CRYBG1: variants seen among roughly 807,000 people sequenced by gnomAD.
The protein encoded by CRYBG1 is beta/gamma crystallin domain-containing protein 1.
Under a neutral mutation model 189.2 loss-of-function variants are expected in CRYBG1, and 139 were observed. The observed-to-expected ratio is 0.73, with a 90% CI of 0.64 to 0.85. CRYBG1 has a LOEUF of 0.85. Ranked by LOEUF, CRYBG1 falls within the 40% of genes least tolerant of loss-of-function variation. The probability of loss-of-function intolerance (pLI) is 0.00; values close to 1 mark genes in which losing one functional copy is unlikely to be tolerated. For synonymous variants in CRYBG1, 1,023 were observed against 1,017.1 expected (o/e 1.01, Z -0.11); for missense variants, 2,611 against 2,675.8 (o/e 0.98, Z 0.53).
At chr6:106,442,038 C>A (rs35515437) in intron 1 of CRYBG1, among the ~76,000 whole-genome samples, 12,753 of 152,062 alleles carry the variant, frequency 0.084, 590 homozygotes, top group East Asian at 0.16. Flanking sequence ...GATTTATAGA[C>A]CACCATATAA....
chr6:106,414,641 G>T (rs1770989262), intron 1 of CRYBG1, among the ~76,000 whole-genome samples: 1 of 152,180 alleles, frequency 6.6e-6, no homozygotes, highest in South Asian at 2.1e-4. Context: ...GCAAACTTTA[G>T]TATTCAAAAC....
At position 106,470,500 on chromosome 6, in the gene CRYBG1, AG is replaced by A. The variant is rs199879854; in HGVS notation, c.312+18670del. ...AGGCAGGGAATTGCTTGAACACAGG[AG>A]GTGGAGATTGCAGTGAGCCAATATT... On this transcript the variant is annotated intron_variant, in intron 2 of 21. Transcript: ENST00000633556. Among the ~76,000 whole-genome samples, 323 of 152,212 alleles carry A rather than the reference AG, an allele frequency of 2.1e-3. 11 individuals carry two copies. The East Asian group carries it at 0.049, about 23-fold the overall frequency.
intron 1 of CRYBG1, among the ~76,000 whole-genome samples, chr6:106,409,048 A>G (rs1770877294): frequency 6.6e-6 from 1 of 152,204 alleles, no homozygotes; most frequent in Non-Finnish European, 1.5e-5. Flanking sequence ...GAAAGAAATA[A>G]AGTGTATTCA....
chr6:106,511,584 C>T lies in CRYBG1; in HGVS notation c.467C>T (p.Ala156Val). The T allele has an allele frequency of 1.3e-6, 2 of 1,535,854 alleles. No individual in the cohort carries two copies. The highest frequency in any genetic ancestry group is 2.4e-5 in the South Asian group (2 of 84,050). ...AKPLSPKDVV[A>V]SPKLPERESE... is the part of the protein sequence containing the mutation. ...CCACTCTCTCCCAAAGATGTGGTAG[C>T]CTCTCCTAAGCTCCCAGAGAGAGAG... The change falls in exon 3 of 22, where the codon GCC becomes GTC. Residue 156 changes from alanine (A) to valine (V), a missense_variant. Physicochemically the swap from Ala to Val is moderately conservative, Grantham distance 64 (BLOSUM62 0). Coordinates refer to ENST00000633556, the MANE Select transcript of CRYBG1 (RefSeq NM_001371242.2).
chr6:106,386,350 G>A (rs73763931), intron 1 of CRYBG1, among the ~76,000 whole-genome samples: 18,179 of 152,184 alleles, frequency 0.12, 1,206 homozygotes, highest in African/African-American at 0.16. Flanking sequence ...AGACAAGTGC[G>A]TAGTGCAGGA....
intron 13 of CRYBG1, 140 bp from the exon 14 acceptor site, chr6:106,551,712 G>C (rs1414994790): frequency 2.9e-5 from 26 of 911,592 alleles, no homozygotes; most frequent in Non-Finnish European, 4.1e-5. Context: ...TGCTTCTAAA[G>C]GTTAATGGAG....
At chr6:106,556,041 T>C in intron 17 of CRYBG1, 144 bp downstream of exon 17, 1 of 924,218 alleles carries the variant, frequency 1.1e-6, no homozygotes, top group Non-Finnish European at 1.7e-6. Flanking sequence ...TCTGTGTACA[T>C]CTAGTTTATT....
At chr6:106,508,840 T>C (rs1253217537) in intron 2 of CRYBG1, among the ~76,000 whole-genome samples, 3 of 151,374 alleles carry the variant, frequency 2.0e-5, no homozygotes, top group Non-Finnish European at 4.4e-5. Context: ...AGGCTGCCCC[T>C]CTGAGGGGGG....
chr6:106,481,272 C>A (rs202224075), intron 2 of CRYBG1, among the ~76,000 whole-genome samples: 1 of 58,572 alleles, frequency 1.7e-5, no homozygotes, highest in Non-Finnish European at 3.0e-5. Context: ...CCGCGCCCGG[C>A]CGAGACTCTG....
intron 1 of CRYBG1, among the ~76,000 whole-genome samples, chr6:106,391,838 G>C (rs529312526): frequency 6.6e-6 from 1 of 151,930 alleles, no homozygotes; most frequent in Admixed American, 6.6e-5. Context: ...CACTTGCTTC[G>C]TTCTTGCGCT....
intron 1 of CRYBG1, among the ~76,000 whole-genome samples, chr6:106,361,956 T>C (rs1482760359): frequency 1.1e-5 from 1 of 91,266 alleles, no homozygotes; most frequent in African/African-American, 5.7e-5. Context: ...GTTTTCCTTT[T>C]ATTTCTTTCT....
In CRYBG1 at chr6:106,511,653, A is replaced by C; in HGVS notation, c.536A>C (p.Asp179Ala). ...CAGAGCAGCCAACTGAAGCAAACGG[A>C]CACAAGCGAGGAGGGCTCCCCGCGG... ...RSQSSQLKQT[D>A]TSEEGSPREN... Residue 179 changes from aspartate to alanine, a missense_variant, in exon 3 of 22, where the codon GAC becomes GCC. Asp to Ala is a moderately radical substitution (Grantham distance 126). Around this residue, in one of 3 missense-constraint regions of CRYBG1, gnomAD observed 985 missense variants for 924.4 expected, o/e 1.07. Coordinates refer to ENST00000633556, the MANE Select transcript of CRYBG1 (RefSeq NM_001371242.2). 1 of 1,535,780 alleles carries C rather than the reference A, an allele frequency of 6.5e-7. No individual in the cohort carries two copies. Among genetic ancestry groups the C allele is most frequent in the Non-Finnish European group, 8.7e-7 (1 of 1,146,678 alleles).
intron 1 of CRYBG1, among the ~76,000 whole-genome samples, chr6:106,442,306 G>GGAAGGATTAACTAAGGCAGAC (rs1397245273): frequency 5.1e-4 from 77 of 152,308 alleles, no homozygotes; most frequent in African/African-American, 1.8e-3. Context: ...TTGAGTGCCT[G>GGAAGGATTAACTAAGGCAGAC]GAAGGATTAA....
chr6:106,504,120 T>A (rs200681629), intron 2 of CRYBG1, among the ~76,000 whole-genome samples: 3 of 151,594 alleles, frequency 2.0e-5, no homozygotes, highest in East Asian at 1.9e-4. Context: ...AAGATTTTTT[T>A]AAAAAAAGAA....
intron 2 of CRYBG1, among the ~76,000 whole-genome samples, chr6:106,482,545 G>C (rs578139304): frequency 6.6e-6 from 1 of 152,096 alleles, no homozygotes; most frequent in Non-Finnish European, 1.5e-5. Flanking sequence ...GGAGGCCGAG[G>C]GGGGTGAATC....
chr6:106,515,546 G>T (rs1773397630), intron 3 of CRYBG1, among the ~76,000 whole-genome samples: 2 of 151,994 alleles, frequency 1.3e-5, no homozygotes, highest in South Asian at 4.1e-4. Flanking sequence ...TATATTCTCT[G>T]GTATGTGACC....
At position 106,551,962 on chromosome 6, in the gene CRYBG1, T is replaced by C; in HGVS notation, c.5423T>C (p.Val1808Ala). The C allele has an allele frequency of 6.2e-7, 1 of 1,606,052 alleles. No individual in the cohort carries two copies. The highest frequency in any genetic ancestry group is 8.5e-7 in the Non-Finnish European group (1 of 1,175,934). Residue 1808 changes from valine (V) to alanine (A), a missense_variant, in exon 14 of 22, where the codon GTT becomes GCT. Val to Ala is a moderately conservative substitution (Grantham distance 64). Coordinates refer to ENST00000633556, the MANE Select transcript of CRYBG1 (RefSeq NM_001371242.2). Reference sequence around the variant, plus strand: ...GGCAAAAATTGTAAGATCTCTTCTGTTCAACCTATATGTTTGGTAAGGAGT... The same window carrying C: ...GGCAAAAATTGTAAGATCTCTTCTGCTCAACCTATATGTTTGGTAAGGAGT... ...WGGKNCKISS[V>A]QPICLDSFTG...
chr6:106,557,779 CA>C (rs1774589795), intron 17 of CRYBG1, among the ~76,000 whole-genome samples: 1 of 152,184 alleles, frequency 6.6e-6, no homozygotes, highest in Admixed American at 6.5e-5. Flanking sequence ...GCAGTACTAT[CA>C]TTAGAGATTA....
intron 2 of CRYBG1, among the ~76,000 whole-genome samples, chr6:106,473,157 C>T (rs1189549059): frequency 6.6e-6 from 1 of 152,112 alleles, no homozygotes; most frequent in African/African-American, 2.4e-5. Context: ...ATGCCCTCTC[C>T]AATTTTAACT....
Sources: allele counts gnomAD v4.1 joint callset (sites outside exome capture counted in the v4.1 genomes callset), GRCh38; gene constraint gnomAD v4.1.1; regional missense constraint gnomAD v4.1.1; transcripts MANE v1.5; gene names NCBI Gene and HGNC (gene_info 2026-07-23, HGNC 2026-07-21).